Variants in ATP4A observed in about 807,000 individuals in gnomAD.
ATP4A encodes potassium-transporting ATPase alpha chain 1.
Under a neutral mutation model 112.1 loss-of-function variants are expected in ATP4A, and 73 were observed. The ratio of observed to expected loss-of-function variants is 0.65; its 90% CI spans 0.54 to 0.79. The LOEUF (loss-of-function observed/expected upper bound fraction) is 0.79. Among genes scored for constraint, ATP4A ranks in the 30% least tolerant of loss-of-function variants. The probability of loss-of-function intolerance (pLI) is 0.00; values close to 1 mark genes in which losing one functional copy is unlikely to be tolerated. For missense variants in ATP4A, 1,081 were observed against 1,425.9 expected (o/e 0.76, Z 3.90); for synonymous variants, 588 against 588.9 (o/e 1.00, Z 0.02).
intron 17 of ATP4A, among the ~76,000 whole-genome samples, chr19:35,553,397 G>C (rs537677889): frequency 1.2e-3 from 179 of 152,272 alleles, no homozygotes; most frequent in African/African-American, 4.1e-3. Flanking sequence ...GAGGCAGAGA[G>C]AGAAGCAGGG....
Position 35,559,758 on chromosome 19 carries a change from T to C in ATP4A, c.1056+47A>G, listed in dbSNP as rs769368235. 8 of 1,597,190 alleles carry C rather than the reference T, an allele frequency of 5.0e-6. No homozygotes were observed. The highest frequency in any genetic ancestry group is 5.1e-6 in the Non-Finnish European group (6 of 1,170,640). The stretch of plus-strand genomic sequence containing the variant: ...GAAATGTGGAGGAAAGAACAGATGG[T>C]TGAGCAGGCCCCTCAGCTCCCTGCA... On this transcript the variant is annotated intron_variant, in intron 7 of 21. Transcript: ENST00000262623. The surrounding 1 kb of genome is among the most constrained non-coding windows in gnomAD (Gnocchi z 4.1).
In ATP4A at chr19:35,551,036, G is replaced by A; in HGVS notation, c.2961C>T (p.Pro987=). The A allele has an allele frequency of 6.2e-7, 1 of 1,613,940 alleles. No homozygotes were observed. ...GCFLCYCPGM[P]NIFNFMPIRF... The stretch of plus-strand genomic sequence containing the variant: ...GAATGGGCATGAAGTTGAAGATGTT[G>A]GGCATGCCGGGGCAGTAGCACAGGA... Residue 987 remains proline, a synonymous_variant, in exon 20 of 22, where the codon CCC becomes CCT. Transcript: ENST00000262623. This position sits in a 1 kb window ranked among gnomAD's most constrained non-coding sequence, Gnocchi z 5.2.
At chr19:35,562,981 T>TCC (rs1266910889) in intron 3 of ATP4A, among the ~76,000 whole-genome samples, 1 of 150,270 alleles carries the variant, frequency 6.7e-6, no homozygotes, top group Non-Finnish European at 1.5e-5. Flanking sequence ...TCCCTCTCCC[T>TCC]CTCTCTCCCT....
intron 12 of ATP4A, 33 bp downstream of exon 12, chr19:35,556,880 T>G (rs754548470): frequency 6.2e-7 from 1 of 1,603,506 alleles, no homozygotes; most frequent in Admixed American, 1.7e-5. Context: ...TCCTCTGTCC[T>G]CACTCCACTT....
intron 3 of ATP4A, among the ~76,000 whole-genome samples, 197 bp from the exon 4 acceptor site, chr19:35,562,835 TC>T (rs2071679566): frequency 6.7e-6 from 1 of 149,000 alleles, no homozygotes; most frequent in African/African-American, 2.5e-5. Flanking sequence ...CTCTCCTCGC[TC>T]CCCTTTCTAT....
chr19:35,552,742 G>A (rs1397310755), intron 18 of ATP4A, among the ~76,000 whole-genome samples: 3 of 152,162 alleles, frequency 2.0e-5, no homozygotes, highest in African/African-American at 7.2e-5. Context: ...CAAATACCCT[G>A]TGGGAGTGAT....
At chr19:35,553,262 CAG>C (rs2071611903) in intron 17 of ATP4A, 80 bp from the exon 18 acceptor site, 3 of 1,482,600 alleles carry the variant, frequency 2.0e-6, no homozygotes, top group Non-Finnish European at 1.8e-6. Flanking sequence ...CATGGAGAGA[CAG>C]GGACACAGAT....
In ATP4A at chr19:35,550,397, C is replaced by A. The variant is rs1568312425; in HGVS notation, c.*218G>T. On this transcript the variant is annotated 3_prime_UTR_variant, in exon 22 of 22. Coordinates refer to ENST00000262623, the MANE Select transcript of ATP4A (RefSeq NM_000704.3). The surrounding 1 kb of genome is among the most constrained non-coding windows in gnomAD (Gnocchi z 4.1). ...TTCCCGAGGCCAGCCCAGAGGACTG[C>A]CCAGGCGCTGCTGCTCCAGGAGGTG... The A allele has an allele frequency of 4.8e-6, 3 of 622,582 alleles. No homozygotes were observed. The highest frequency in any genetic ancestry group is 8.3e-6 in the Non-Finnish European group (3 of 362,006). 38.6% of individuals were successfully genotyped at this position (622,582 alleles called of 1,614,324 possible).
Position 35,555,652 on chromosome 19 carries a change from C to G in ATP4A, c.2006+24G>C. 1 of 1,589,722 alleles carries G rather than the reference C, an allele frequency of 6.3e-7. No individual in the cohort carries two copies. The highest frequency in any genetic ancestry group is 8.6e-7 in the Non-Finnish European group (1 of 1,161,274). The stretch of plus-strand genomic sequence containing the variant: ...GTCTGTGCCAGATGTGGGGAGAACC[C>G]CGGGGAGGTCTGGGGGGGCTTACTT... On this transcript the variant is annotated intron_variant, in intron 13 of 21. Transcript: ENST00000262623. The surrounding 1 kb of genome is among the most constrained non-coding windows in gnomAD (Gnocchi z 6.6).
rs578050283 is a variant in ATP4A, at chr19:35,558,324, T to G, written c.1500+38A>C. On this transcript the variant is annotated intron_variant, in intron 10 of 21. Transcript: ENST00000262623. This position sits in a 1 kb window ranked among gnomAD's most constrained non-coding sequence, Gnocchi z 5.1. ...GTGTGGCCTGGGGCGGGGCCCGAGGTGGGCGGGCCCAGGCCGTGGGCGGGG... is the reference window on the plus strand; with the variant it reads ...GTGTGGCCTGGGGCGGGGCCCGAGGGGGGCGGGCCCAGGCCGTGGGCGGGG... 1 of 1,570,852 alleles carries G rather than the reference T, an allele frequency of 6.4e-7. No individual in the cohort carries two copies. Among genetic ancestry groups the G allele is most frequent in the Non-Finnish European group, 8.6e-7 (1 of 1,158,500 alleles).
In ATP4A at chr19:35,555,524, C is replaced by T. The variant is rs755053833; in HGVS notation, c.2073G>A (p.Glu691=). The part of the protein sequence containing the change: ...LKDMDPSELV[E]ALRTHPEMVF... Reference sequence around the variant, plus strand: ...CCATCTCGGGGTGGGTGCGCAGGGCCTCGACCAGTTCCGATGGGTCCATGT... The same window carrying T: ...CCATCTCGGGGTGGGTGCGCAGGGCTTCGACCAGTTCCGATGGGTCCATGT... The change falls in exon 14 of 22, where the codon GAG becomes GAA. Residue 691 remains glutamate (E), a synonymous_variant. Transcript: ENST00000262623. This position sits in a 1 kb window ranked among gnomAD's most constrained non-coding sequence, Gnocchi z 6.6. 1 of 1,604,554 alleles carries T rather than the reference C, an allele frequency of 6.2e-7. No homozygotes were observed. The highest frequency in any genetic ancestry group is 8.5e-7 in the Non-Finnish European group (1 of 1,173,830).
chr19:35,557,558 G>T lies in ATP4A; in HGVS notation c.1693+97C>A. 7.2e-7 allele frequency: 1 copy of T among 1,394,746 alleles called. No homozygotes were observed. The highest frequency in any genetic ancestry group is 9.6e-7 in the Non-Finnish European group (1 of 1,036,524). 86.4% of individuals were successfully genotyped at this position (1,394,746 alleles called of 1,614,324 possible). A position where few individuals can be genotyped will look rare whatever the true frequency, so the allele number is the denominator to read the frequency against. On this transcript the variant is annotated intron_variant, in intron 11 of 21. Transcript: ENST00000262623. This position sits in a 1 kb window ranked among gnomAD's most constrained non-coding sequence, Gnocchi z 4.4. ...CTGCGACAAATCAGCCAGCAGCCAG[G>T]GATGAGGACGGTCAGGGCTGGGCCG...
In ATP4A at chr19:35,551,539, G is replaced by A. The variant is rs151288572; in HGVS notation, c.2793C>T (p.Thr931=). The A allele has an allele frequency of 3.1e-5, 50 of 1,613,802 alleles. No individual in the cohort carries two copies. The highest frequency in any genetic ancestry group is 1.7e-4 in the Middle Eastern group (1 of 6,060). The change falls in exon 19 of 22, where the codon ACC becomes ACT. Residue 931 remains threonine (T), a synonymous_variant. Transcript: ENST00000262623. This position sits in a 1 kb window ranked among gnomAD's most constrained non-coding sequence, Gnocchi z 5.2. The stretch of plus-strand genomic sequence containing the variant: ...ACACCTCAATGCTGATGAAGAACAC[G>A]GTGTAGCAGGTGTACTGCTGGTACA... ...QRLYQQYTCY[T]VFFISIEVCQ... is the part of the protein sequence containing the mutation.
chr19:35,553,231 AG>A, intron 17 of ATP4A, 49 bp from the exon 18 acceptor site: 3 of 1,558,838 alleles, frequency 1.9e-6, no homozygotes, highest in Non-Finnish European at 2.6e-6. Context: ...ACACAGAGAC[AG>A]GGACACAGGA....
intron 1 of ATP4A, 22 bp downstream of exon 1, chr19:35,563,596 C>T (rs765802745): frequency 8.1e-6 from 13 of 1,613,886 alleles, no homozygotes; most frequent in East Asian, 2.2e-5. Context: ...CACTGCACCC[C>T]GGACCCCTGG....
Position 35,553,692 on chromosome 19 carries a change from C to T in ATP4A, c.2605+14G>A. 1 of 1,612,650 alleles carries T rather than the reference C, an allele frequency of 6.2e-7. No homozygotes were observed. Among genetic ancestry groups the T allele is most frequent in the South Asian group, 1.1e-5 (1 of 90,900 alleles). ...GCCCCCCACCTCCAGGCTCCCCGGC[C>T]CACGGGCACCCACCAATCTGGAAGT... On this transcript the variant is annotated intron_variant, in intron 17 of 21. Coordinates refer to ENST00000262623, the MANE Select transcript of ATP4A (RefSeq NM_000704.3).
In ATP4A at chr19:35,557,978, G is replaced by A. The variant is rs970459867; in HGVS notation, c.1501-131C>T. The A allele has an allele frequency of 3.4e-5, 26 of 774,932 alleles. No individual in the cohort carries two copies. Among genetic ancestry groups the A allele is most frequent in the Middle Eastern group, 3.8e-4 (1 of 2,654 alleles). 48.0% of individuals were successfully genotyped at this position (774,932 alleles called of 1,614,324 possible). The stretch of plus-strand genomic sequence containing the variant: ...TGCGGGCTCTGAGAGCTGCGGGGAA[G>A]GGTGAAGGTGGAAGATGGAGGCCTT... On this transcript the variant is annotated intron_variant, in intron 10 of 21. Transcript: ENST00000262623. The surrounding 1 kb of genome is among the most constrained non-coding windows in gnomAD (Gnocchi z 4.4).
rs182431649 is a variant in ATP4A at position 35,551,431 on chromosome 19, G to A, written c.2885+16C>T. Reference sequence around the variant, plus strand: ...ACCAGGGGTTGGAGGGCAGGAAGAGGGCCAGCCAGGGACACCTGAAGAAGC... The same window carrying A: ...ACCAGGGGTTGGAGGGCAGGAAGAGAGCCAGCCAGGGACACCTGAAGAAGC... On this transcript the variant is annotated intron_variant, in intron 19 of 21. Coordinates refer to ENST00000262623, the MANE Select transcript of ATP4A (RefSeq NM_000704.3). This position sits in a 1 kb window ranked among gnomAD's most constrained non-coding sequence, Gnocchi z 5.2. The A allele has an allele frequency of 1.6e-4, 260 of 1,613,896 alleles. 1 individual carries two copies. The African/African-American group carries it at 3.2e-3, about 20-fold the overall frequency.
chr19:35,553,727 C>G lies in ATP4A; in HGVS notation c.2584G>C (p.Ala862Pro). The G allele has an allele frequency of 6.2e-7, 1 of 1,613,694 alleles. No individual in the cohort carries two copies. Reference protein sequence around the residue: ...RDRLVNEPLAAYSYFQIGAIQ... With the variant: ...RDRLVNEPLAPYSYFQIGAIQ... ...CCACCAATCTGGAAGTAGGAGTAGG[C>G]AGCCAGGGGCTCGTTGACCAATCTG... Residue 862 changes from alanine to proline, a missense_variant, in exon 17 of 22, where the codon GCC becomes CCC. By Grantham distance (27) the Ala-to-Pro change is conservative (BLOSUM62 -1). Transcript: ENST00000262623.
Sources: allele counts gnomAD v4.1 joint callset (sites outside exome capture counted in the v4.1 genomes callset), GRCh38; gene constraint gnomAD v4.1.1; non-coding constraint Gnocchi (gnomAD v3.1); transcripts MANE v1.5; gene names NCBI Gene and HGNC (gene_info 2026-07-23, HGNC 2026-07-21).